Variants in LUZP2 observed in about 807,000 individuals in gnomAD.
LUZP2 encodes the protein leucine zipper protein 2.
A neutral mutation model predicts 51.6 loss-of-function variants in LUZP2; 52 were observed. The ratio of observed to expected loss-of-function variants is 1.01; its 90% CI spans 0.81 to 1.27. The LOEUF (loss-of-function observed/expected upper bound fraction) is 1.27. LUZP2 is among the 50% of genes most tolerant of loss of function. The pLI, the probability that LUZP2 is intolerant of heterozygous loss-of-function variation, is 0.00. For missense variants in LUZP2, 436 were observed against 395.4 expected (o/e 1.10, Z -0.87); for synonymous variants, 154 against 137.3 (o/e 1.12, Z -0.85).
At chr11:24,820,143 A>G (rs1033097552) in intron 5 of LUZP2, among the ~76,000 whole-genome samples, 2 of 152,142 alleles carry the variant, frequency 1.3e-5, no homozygotes, top group Non-Finnish European at 2.9e-5. Context: ...TAAAGTGTGG[A>G]AATTGTTATA....
chr11:24,990,787 C>T (rs1029087171), intron 9 of LUZP2, among the ~76,000 whole-genome samples: 7 of 151,740 alleles, frequency 4.6e-5, no homozygotes, highest in Admixed American at 3.9e-4. Context: ...TTTTCAAATC[C>T]TTACATAATT....
At chr11:24,536,983 G>T (rs1362184609) in intron 1 of LUZP2, among the ~76,000 whole-genome samples, 3 of 151,960 alleles carry the variant, frequency 2.0e-5, no homozygotes, top group African/African-American at 2.4e-5. Context: ...GGCCCAAGGA[G>T]GGGGAGAAAG....
chr11:24,900,617 T>C (rs375519874), intron 5 of LUZP2, among the ~76,000 whole-genome samples: 2 of 152,222 alleles, frequency 1.3e-5, no homozygotes, highest in African/African-American at 4.8e-5. Flanking sequence ...CTAGCTGATA[T>C]GTTAAGCAGA....
At chr11:24,779,826 A>C (rs1227366775) in intron 5 of LUZP2, among the ~76,000 whole-genome samples, 1 of 151,706 alleles carries the variant, frequency 6.6e-6, no homozygotes, top group Non-Finnish European at 1.5e-5. Context: ...GCAGAGAGAG[A>C]TTTGACACAC....
intron 7 of LUZP2, among the ~76,000 whole-genome samples, chr11:24,962,412 T>C (rs1855440480): frequency 6.6e-6 from 1 of 152,188 alleles, no homozygotes; most frequent in African/African-American, 2.4e-5. Context: ...CAATCAGACG[T>C]AGATTTGGTT....
rs368844223 is a variant in LUZP2, at chr11:24,878,943, A to G, written c.397-27048A>G. 6.7e-5 allele frequency among the ~76,000 whole-genome samples: 10 copies of G among 150,346 alleles called. No homozygotes were observed. The East Asian group carries it at 1.4e-3, about 21-fold the overall frequency. Reference sequence around the variant, plus strand: ...CTTCATCCATGTCCCTGCAAAAGACATGATCTAATTTATTTATTTATATTT... The same window carrying G: ...CTTCATCCATGTCCCTGCAAAAGACGTGATCTAATTTATTTATTTATATTT... On this transcript the variant is annotated intron_variant, in intron 5 of 11. Transcript: ENST00000336930.
At chr11:24,602,140 ATG>A (rs1324637104) in intron 1 of LUZP2, among the ~76,000 whole-genome samples, 2 of 78,600 alleles carry the variant, frequency 2.5e-5, no homozygotes, top group Non-Finnish European at 5.0e-5. Context: ...ATGTGTATAT[ATG>A]TATATATGTA....
chr11:24,773,588 G>A (rs1320204663), intron 5 of LUZP2, among the ~76,000 whole-genome samples: 4 of 149,486 alleles, frequency 2.7e-5, no homozygotes, highest in Non-Finnish European at 5.9e-5. Context: ...CCGGTGTTGG[G>A]AGACTTATTA....
rs1855887234 is a variant in LUZP2, at chr11:24,976,598, A to G, written c.530A>G (p.Gln177Arg). ...TTATCTCTTATTTTACAGGCGCAGC[A>G]GCTTACTGATCTGGAACAAAAATTA... is the stretch of plus-strand genomic sequence containing the variant. ...GKKDLLFKAQ[Q>R]LTDLEQKLAV... Residue 177 changes from glutamine (Q) to arginine (R), a missense_variant, in exon 8 of 12, where the codon CAG (glutamine) becomes CGG (arginine). Transcript: ENST00000336930. 1 of 1,589,330 alleles carries G rather than the reference A, an allele frequency of 6.3e-7. No individual in the cohort carries two copies. Among genetic ancestry groups the G allele is most frequent in the East Asian group, 2.3e-5 (1 of 43,400 alleles).
intron 7 of LUZP2, among the ~76,000 whole-genome samples, chr11:24,932,904 C>T (rs1854496785): frequency 6.6e-6 from 1 of 152,170 alleles, no homozygotes; most frequent in Non-Finnish European, 1.5e-5. Context: ...TGGTCTTTTC[C>T]CAATTCCTCT....
intron 1 of LUZP2, among the ~76,000 whole-genome samples, chr11:24,531,061 T>A (rs1391577594): frequency 6.8e-6 from 1 of 146,172 alleles, no homozygotes; most frequent in Non-Finnish European, 1.5e-5. Context: ...ATTATTATTA[T>A]TATTTTGCCA....
chr11:24,546,708 A>T (rs562889684), intron 1 of LUZP2, among the ~76,000 whole-genome samples: 1 of 152,028 alleles, frequency 6.6e-6, no homozygotes, highest in African/African-American at 2.4e-5. Context: ...ATCAATGTTC[A>T]TCAAAGATAT....
chr11:24,607,958 C>T (rs138984957), intron 1 of LUZP2, among the ~76,000 whole-genome samples: 1,744 of 152,128 alleles, frequency 0.011, 35 homozygotes, highest in African/African-American at 0.04. Context: ...ATGCCATTCT[C>T]CTGCCTCAGC....
At chr11:24,826,188 A>T (rs866060984) in intron 5 of LUZP2, among the ~76,000 whole-genome samples, 896 of 27,940 alleles carry the variant, frequency 0.032, 18 homozygotes, top group African/African-American at 0.091. Context: ...AAAAAAAAAA[A>T]AAATATATAT....
At chr11:24,602,217 TATATATGTAC>T (rs1298456268) in intron 1 of LUZP2, among the ~76,000 whole-genome samples, 3,479 of 61,718 alleles carry the variant, frequency 0.056, 274 homozygotes, top group African/African-American at 0.13. Context: ...TGTATATATG[TATATATGTAC>T]ATATATGTGT....
intron 1 of LUZP2, among the ~76,000 whole-genome samples, chr11:24,676,553 T>TA (rs1856557871): frequency 6.6e-6 from 1 of 152,142 alleles, no homozygotes; most frequent in Non-Finnish European, 1.5e-5. Flanking sequence ...ACAAATAGGA[T>TA]CAGATAATTT....
chr11:24,617,138 A>G (rs778959521), intron 1 of LUZP2, among the ~76,000 whole-genome samples: 10 of 152,122 alleles, frequency 6.6e-5, no homozygotes, highest in Non-Finnish European at 1.3e-4. Context: ...GTTCATGGTG[A>G]GGCTATGCTA....
intron 4 of LUZP2, among the ~76,000 whole-genome samples, chr11:24,739,554 A>C (rs918476461): frequency 6.6e-6 from 1 of 152,094 alleles, no homozygotes; most frequent in African/African-American, 2.4e-5. Context: ...TCCATGAAGA[A>C]CAAATGTTAA....
chr11:25,018,789 G>A (rs1218494845), intron 9 of LUZP2, among the ~76,000 whole-genome samples: 1 of 151,832 alleles, frequency 6.6e-6, no homozygotes, highest in Non-Finnish European at 1.5e-5. Context: ...TGTATTTTTA[G>A]TAGAGGTGGG....
Sources: gnomAD v4.1 joint callset for allele counts (sites outside exome capture counted in the v4.1 genomes callset) on GRCh38, gnomAD v4.1.1 for gene constraint, MANE v1.5 for transcripts, NCBI Gene and HGNC (gene_info 2026-07-23, HGNC 2026-07-21) for gene names.